The following FBXL2 variants were observed in gnomAD, a reference collection of about 807,000 sequenced individuals.
FBXL2 encodes F-box and leucine rich repeat protein 2.
A neutral mutation model predicts 69.2 loss-of-function variants in FBXL2; 38 were observed. The ratio of observed to expected loss-of-function variants is 0.55; its 90% CI spans 0.42 to 0.72. The LOEUF (loss-of-function observed/expected upper bound fraction) is 0.72. Among genes scored for constraint, FBXL2 ranks in the 30% least tolerant of loss-of-function variants. FBXL2 has a pLI of 0.00. For synonymous variants in FBXL2, 192 were observed against 201.3 expected (o/e 0.95, Z 0.39); for missense variants, 354 against 520.3 (o/e 0.68, Z 3.11).
At chr3:33,414,137 A>G in the FBXL2 span, 3 of 152,194 alleles carry the variant, frequency 2.0e-5, no homozygotes, top group South Asian at 4.1e-4. Flanking sequence ...TACAAGATAT[A>G]TAAGAAAAAT....
rs752681502 is a variant in FBXL2, at chr3:33,377,300, T to C, written c.816T>C (p.His272=). The stretch of plus-strand genomic sequence containing the variant: ...TTTTGGAGGCTGCCCGATGCTCCCA[T>C]TTGACTGACGCAGGTTTTACACTTT... ...LQILEAARCS[H]LTDAGFTLLA... is the part of the protein sequence containing the mutation. The change falls in exon 11 of 15, where the codon CAT becomes CAC. Residue 272 remains histidine, a synonymous_variant. Transcript: ENST00000484457. 1 of 1,614,176 alleles carries C rather than the reference T, an allele frequency of 6.2e-7. No individual in the cohort carries two copies. Among genetic ancestry groups the C allele is most frequent in the Non-Finnish European group, 8.5e-7 (1 of 1,180,022 alleles).
intron 4 of FBXL2, chr3:33,364,297 G>A (rs2041816498): frequency 3.6e-6 from 1 of 280,796 alleles, no homozygotes; most frequent in South Asian, 5.1e-5. Context: ...CTTTTGGTTG[G>A]TGGAATAGCT....
exon 13 of FBXL2, chr3:33,403,556 G>GTCTATCTATCTA (rs1360890607): frequency 5.5e-5 from 1 of 18,288 alleles, no homozygotes; most frequent in African/African-American, 9.6e-5. Flanking sequence ...CTGTCTGTCT[G>GTCTATCTATCTA]TCTGTCTGTC....
intron 12 of FBXL2, chr3:33,393,289 G>GA: frequency 6.3e-7 from 1 of 1,580,020 alleles, no homozygotes; most frequent in Non-Finnish European, 8.6e-7. Flanking sequence ...GTCTGAAAAG[G>GA]AAAAACAAAT....
At chr3:33,417,227 CCA>C in the FBXL2 span, among the ~76,000 whole-genome samples, 1 of 152,130 alleles carries the variant, frequency 6.6e-6, no homozygotes, top group Non-Finnish European at 1.5e-5. Context: ...ATCACCACTA[CCA>C]GTTTTAGAAC....
chr3:33,329,666 A>G (rs944322180), intron 2 of FBXL2, among the ~76,000 whole-genome samples: 5 of 152,210 alleles, frequency 3.3e-5, no homozygotes, highest in East Asian at 1.9e-4. Context: ...GTACAGAAAG[A>G]CAAATATTGC....
chr3:33,417,920 G>C, the FBXL2 span, among the ~76,000 whole-genome samples: 1 of 152,126 alleles, frequency 6.6e-6, no homozygotes, highest in Non-Finnish European at 1.5e-5. Flanking sequence ...ATCACTCCAA[G>C]GCTGGTGAAG....
downstream of FBXL2, among the ~76,000 whole-genome samples, chr3:33,407,159 A>G (rs926537611): frequency 1.3e-5 from 2 of 152,202 alleles, no homozygotes; most frequent in African/African-American, 4.8e-5. Flanking sequence ...CCCTAAAAGC[A>G]TCTGAACAAA....
At chr3:33,408,900 C>A in the FBXL2 span, 1 of 1,077,632 alleles carries the variant, frequency 9.3e-7, no homozygotes. Context: ...AAATGCATGA[C>A]TAACAGGATT....
chr3:33,327,617 AAAG>A (rs2038805154), intron 2 of FBXL2, among the ~76,000 whole-genome samples: 1 of 152,184 alleles, frequency 6.6e-6, no homozygotes, highest in Admixed American at 6.5e-5. Flanking sequence ...CAGAATAGAA[AAAG>A]AAGATATAGA....
At chr3:33,371,321 T>A (rs751586050) in intron 5 of FBXL2, among the ~76,000 whole-genome samples, 6 of 150,390 alleles carry the variant, frequency 4.0e-5, no homozygotes, top group Non-Finnish European at 7.4e-5. Context: ...TGTGCCACCA[T>A]ACCAGCTAAT....
At chr3:33,395,824 T>C (rs2043969053) in intron 12 of FBXL2, among the ~76,000 whole-genome samples, 1 of 141,440 alleles carries the variant, frequency 7.1e-6, no homozygotes, top group African/African-American at 2.7e-5. Context: ...GCCAGTGTTA[T>C]ATTCATCATT....
intron 2 of FBXL2, among the ~76,000 whole-genome samples, chr3:33,328,773 G>A (rs372047831): frequency 2.7e-5 from 4 of 150,672 alleles, no homozygotes; most frequent in African/African-American, 4.9e-5. Flanking sequence ...ACTCCAGGAC[G>A]TTGGTTTGGG....
At chr3:33,299,589 A>C (rs1378983721) in intron 2 of FBXL2, among the ~76,000 whole-genome samples, 1 of 152,142 alleles carries the variant, frequency 6.6e-6, no homozygotes, top group Non-Finnish European at 1.5e-5. Flanking sequence ...TTTTTCCTTC[A>C]GTTAGAAATG....
At chr3:33,286,546 C>T (rs952888504) in intron 1 of FBXL2, among the ~76,000 whole-genome samples, 1 of 152,230 alleles carries the variant, frequency 6.6e-6, no homozygotes, top group African/African-American at 2.4e-5. Context: ...GCTCAGAGAA[C>T]CACTACTCTC....
At chr3:33,407,064 A>G (rs897371164), downstream of FBXL2, among the ~76,000 whole-genome samples, 10 of 152,228 alleles carry the variant, frequency 6.6e-5, no homozygotes, top group African/African-American at 2.2e-4. Context: ...GAAGAAACAT[A>G]TGAAATTCTG....
chr3:33,406,725 C>T (rs2044438170), downstream of FBXL2, among the ~76,000 whole-genome samples: 1 of 152,320 alleles, frequency 6.6e-6, no homozygotes, highest in African/African-American at 2.4e-5. Flanking sequence ...GCTAGCAATG[C>T]CTGGCCTGGG....
chr3:33,326,362 G>A (rs2125812562), intron 2 of FBXL2, among the ~76,000 whole-genome samples: 1 of 152,180 alleles, frequency 6.6e-6, no homozygotes, highest in East Asian at 1.9e-4. Context: ...AATTAGCCAG[G>A]CGTGGTGGCA....
chr3:33,396,810 T>C, intron 12 of FBXL2: 1 of 662,336 alleles, frequency 1.5e-6, no homozygotes, highest in Non-Finnish European at 2.8e-6. Flanking sequence ...GTACTGCCCA[T>C]GTGCATTTCT....
Sources: gnomAD v4.1 joint callset for allele counts (sites outside exome capture counted in the v4.1 genomes callset) on GRCh38, gnomAD v4.1.1 for gene constraint, MANE v1.5 for transcripts, NCBI Gene and HGNC (gene_info 2026-07-23, HGNC 2026-07-21) for gene names.